EIF4G3: variants seen among roughly 807,000 people sequenced by gnomAD.
The protein encoded by EIF4G3 is eukaryotic translation initiation factor 4 gamma 3, also known as eIF-4-gamma 3.
A neutral mutation model predicts 186.4 loss-of-function variants in EIF4G3; 34 were observed. The ratio of observed to expected loss-of-function variants is 0.18; its 90% CI spans 0.14 to 0.24. The LOEUF is 0.24. Among genes scored for constraint, EIF4G3 ranks in the 10% least tolerant of loss-of-function variants. The pLI, the probability that EIF4G3 is intolerant of heterozygous loss-of-function variation, is 1.00. For missense variants in EIF4G3, 1,536 were observed against 1,948.5 expected, an observed-to-expected ratio of 0.79 and a Z score of 3.99; for synonymous variants, 673 against 679.5, an observed-to-expected ratio of 0.99 and a Z score of 0.15.
chr1:21,073,491 A>C, intron 3 of EIF4G3: 1 of 290,638 alleles, frequency 3.4e-6, no homozygotes, highest in South Asian at 3.2e-5. Context: ...TGCAATATCT[A>C]TTGGGAAGGT....
chr1:21,021,994 C>G (rs1200077574), intron 4 of EIF4G3, among the ~76,000 whole-genome samples: 1 of 152,126 alleles, frequency 6.6e-6, no homozygotes, highest in Non-Finnish European at 1.5e-5. Context: ...ACGTAAATTT[C>G]TATTTCAAAA....
chr1:20,983,752 C>A (rs1323045791), intron 7 of EIF4G3, among the ~76,000 whole-genome samples: 1 of 152,150 alleles, frequency 6.6e-6, no homozygotes, highest in Non-Finnish European at 1.5e-5. Flanking sequence ...ATCAAATGAA[C>A]ACAGGTGATC....
chr1:20,889,866 G>C (rs562410173), intron 18 of EIF4G3, among the ~76,000 whole-genome samples: 1 of 152,286 alleles, frequency 6.6e-6, no homozygotes, highest in South Asian at 2.1e-4. Flanking sequence ...TTACTATCCA[G>C]TGAAGGACAC....
intron 3 of EIF4G3, among the ~76,000 whole-genome samples, chr1:21,063,751 C>T (rs1037336668): frequency 6.7e-6 from 1 of 150,244 alleles, no homozygotes; most frequent in Non-Finnish European, 1.5e-5. Flanking sequence ...ACTCTGTTGC[C>T]CAGACTGGAG....
At chr1:20,888,020 T>C (rs1177663008) in intron 18 of EIF4G3, among the ~76,000 whole-genome samples, 3 of 152,158 alleles carry the variant, frequency 2.0e-5, no homozygotes, top group Admixed American at 6.5e-5. Flanking sequence ...AACAAATGTT[T>C]CTGGATGCAA....
chr1:20,993,737 C>A (rs528286047), intron 7 of EIF4G3, among the ~76,000 whole-genome samples: 121 of 152,306 alleles, frequency 7.9e-4, no homozygotes, highest in Admixed American at 2.0e-3. Flanking sequence ...AAGCAAACTA[C>A]CACCGATGAA....
At chr1:20,867,117 C>G (rs1323462999) in intron 20 of EIF4G3, among the ~76,000 whole-genome samples, 1 of 152,118 alleles carries the variant, frequency 6.6e-6, no homozygotes, top group Non-Finnish European at 1.5e-5. Flanking sequence ...GCTATATAAA[C>G]AAAGGCAATT....
intron 14 of EIF4G3, among the ~76,000 whole-genome samples, chr1:20,933,477 A>T (rs908699181): frequency 1.3e-5 from 2 of 152,088 alleles, no homozygotes; most frequent in African/African-American, 2.4e-5. Context: ...AAACATGGTG[A>T]AATCCTGTCT....
intron 22 of EIF4G3, among the ~76,000 whole-genome samples, chr1:20,862,877 T>C (rs1348345953): frequency 6.6e-6 from 1 of 152,146 alleles, no homozygotes; most frequent in Non-Finnish European, 1.5e-5. Context: ...TGGGCTTAAG[T>C]GATCCTCCTG....
At position 21,059,692 on chromosome 1, in the gene EIF4G3, A is replaced by G. The variant is rs199979257; in HGVS notation, c.-195-8698T>C. Reference sequence around the variant, plus strand: ...AAAGAAAAATAATTTTATATGATTCAAGTAATACTTAAAAACTCAAGCAAA... The same window carrying G: ...AAAGAAAAATAATTTTATATGATTCGAGTAATACTTAAAAACTCAAGCAAA... On this transcript the variant is annotated intron_variant, in intron 3 of 36. Coordinates refer to ENST00000602326, the MANE Select transcript of EIF4G3 (RefSeq NM_001391906.1). 1.1e-4 allele frequency among the ~76,000 whole-genome samples: 16 copies of G among 152,346 alleles called. No homozygotes were observed. The East Asian group carries it at 2.7e-3, about 26-fold the overall frequency.
intron 30 of EIF4G3, among the ~76,000 whole-genome samples, chr1:20,830,300 C>T (rs2064786238): frequency 6.6e-6 from 1 of 152,218 alleles, no homozygotes; most frequent in Non-Finnish European, 1.5e-5. Context: ...GGCAGGGTCA[C>T]CATTCTGAAG....
At chr1:21,156,754 T>C (rs760068395) in intron 2 of EIF4G3, among the ~76,000 whole-genome samples, 11 of 152,172 alleles carry the variant, frequency 7.2e-5, no homozygotes, top group Admixed American at 2.0e-4. Flanking sequence ...CTAGACAGGA[T>C]GTACCTCAGC....
chr1:20,881,709 C>G lies in EIF4G3; in HGVS notation c.2425-2189G>C, dbSNP rs556695413. ...GGTTTAGGAGGGAGGACTGCCTGAG[C>G]CAGGGGAGGCTGAGGTTACAGTGAG... On this transcript the variant is annotated intron_variant, in intron 19 of 36. Transcript: ENST00000602326. Among the ~76,000 whole-genome samples the G allele has an allele frequency of 6.3e-4, 95 of 151,834 alleles. 2 individuals are homozygous for G. The South Asian group carries it at 8.5e-3, about 14-fold the overall frequency.
intron 7 of EIF4G3, among the ~76,000 whole-genome samples, chr1:20,990,567 G>A (rs1420443814): frequency 6.6e-6 from 1 of 152,128 alleles, no homozygotes; most frequent in African/African-American, 2.4e-5. Flanking sequence ...AGCTACTCGG[G>A]AGGCTGAGGC....
chr1:21,126,297 G>A (rs1422924360), intron 2 of EIF4G3, among the ~76,000 whole-genome samples: 2 of 150,646 alleles, frequency 1.3e-5, no homozygotes, highest in Admixed American at 1.3e-4. Context: ...TTGAACCTAT[G>A]TATTCTGAGG....
intron 7 of EIF4G3, among the ~76,000 whole-genome samples, chr1:20,986,271 T>C (rs529759132): frequency 6.3e-4 from 96 of 152,282 alleles, no homozygotes; most frequent in African/African-American, 2.1e-3. Context: ...TCCAATTCCA[T>C]TAATGAAACC....
intron 3 of EIF4G3, among the ~76,000 whole-genome samples, chr1:21,077,087 CAG>C (rs2095611764): frequency 6.6e-6 from 1 of 152,010 alleles, no homozygotes; most frequent in African/African-American, 2.4e-5. Flanking sequence ...CACAACTCAA[CAG>C]CAAAAAGAAA....
At chr1:21,090,208 G>A (rs912075965) in intron 2 of EIF4G3, among the ~76,000 whole-genome samples, 4 of 152,126 alleles carry the variant, frequency 2.6e-5, no homozygotes, top group African/African-American at 9.7e-5. Flanking sequence ...AAGACTCTAA[G>A]TAGAAATATA....
At chr1:20,969,660 A>AT in intron 11 of EIF4G3, 64 bp from the exon 12 acceptor site, 2 of 1,537,016 alleles carry the variant, frequency 1.3e-6, no homozygotes, top group Non-Finnish European at 1.8e-6. Context: ...TTATAGGCAT[A>AT]TAAGTGAGTT....
Sources: allele counts gnomAD v4.1 joint callset (sites outside exome capture counted in the v4.1 genomes callset), GRCh38; gene constraint gnomAD v4.1.1; transcripts MANE v1.5; gene names NCBI Gene and HGNC (gene_info 2026-07-23, HGNC 2026-07-21).